POLR2B: variants seen among roughly 807,000 people sequenced by gnomAD.
The protein encoded by POLR2B is RNA polymerase II subunit B.
Under a neutral mutation model 144.6 loss-of-function variants are expected in POLR2B, and 57 were observed. The ratio of observed to expected loss-of-function variants is 0.39; its 90% CI spans 0.32 to 0.49. The LOEUF (loss-of-function observed/expected upper bound fraction) is 0.49. Ranked by LOEUF, POLR2B falls within the 20% of genes least tolerant of loss-of-function variation. The pLI is 0.83. For synonymous variants in POLR2B, 442 were observed against 469.8 expected, an observed-to-expected ratio of 0.94 and a Z score of 0.77; for missense variants, 595 against 1,467.4, an observed-to-expected ratio of 0.41 and a Z score of 9.71.
intron 2 of POLR2B, among the ~76,000 whole-genome samples, chr4:56,989,875 T>C (rs1429819242): frequency 2.0e-5 from 3 of 152,180 alleles, no homozygotes; most frequent in Non-Finnish European, 4.4e-5. Flanking sequence ...TCTGTATGTC[T>C]TTCCCCACCC....
chr4:57,003,882 T>C (rs1158689083), intron 7 of POLR2B, among the ~76,000 whole-genome samples: 2 of 151,444 alleles, frequency 1.3e-5, no homozygotes, highest in African/African-American at 2.4e-5. Context: ...GAAGAAATAG[T>C]TGGGTGTGGT....
chr4:57,010,247 A>G, intron 10 of POLR2B, 114 bp from the exon 11 acceptor site: 1 of 923,948 alleles, frequency 1.1e-6, no homozygotes, highest in Middle Eastern at 2.6e-4. Flanking sequence ...GAATAGAGAA[A>G]TGGGGAACAG....
chr4:56,998,397 A>C (rs955075776), intron 6 of POLR2B, among the ~76,000 whole-genome samples: 3 of 152,158 alleles, frequency 2.0e-5, no homozygotes. Flanking sequence ...GGGTTTCACC[A>C]TGTTAGCCAG....
rs1168500058 is a variant in POLR2B, at chr4:57,015,546, T to C, written c.1845T>C (p.Tyr615=). ...TTCGAGAGAGGGAGATTCGGATCTA[T>C]ACGGATGCAGGCCGTATTTGTAGAC... is the stretch of plus-strand genomic sequence containing the variant. ...RDIREREIRI[Y]TDAGRICRPL... is the part of the protein sequence containing the mutation. The change falls in exon 14 of 25, where the codon TAT becomes TAC. Residue 615 remains tyrosine (Y), a synonymous_variant. Coordinates refer to ENST00000314595, the MANE Select transcript of POLR2B (RefSeq NM_000938.3). 5.4e-6 allele frequency: 8 copies of C among 1,489,190 alleles called. No homozygotes were observed. Among genetic ancestry groups the C allele is most frequent in the African/African-American group, 1.4e-5 (1 of 72,122 alleles). The allele number at this position is 1,489,190 out of a possible 1,614,324, so 92.2% of individuals were successfully genotyped here. A position where few individuals can be genotyped will look rare whatever the true frequency, so the allele number is the denominator to read the frequency against.
rs767561136 is a variant in POLR2B, at chr4:56,986,433, T to C, written c.92+7T>C. On this transcript the variant is annotated splice_region_variant and intron_variant, in intron 2 of 24. Coordinates refer to ENST00000314595, the MANE Select transcript of POLR2B (RefSeq NM_000938.3). ...CATGCTGGATTGTAATCAGGTAACT[T>C]TGGACCAAACTGAATTAGCCTGAAA... is the stretch of plus-strand genomic sequence containing the variant. The C allele has an allele frequency of 2.5e-6, 4 of 1,597,582 alleles. No homozygotes were observed. Among genetic ancestry groups the C allele is most frequent in the Middle Eastern group, 1.7e-4 (1 of 6,024 alleles).
rs575493114 is a variant in POLR2B at position 57,024,644 on chromosome 4, C to G, written c.2965-242C>G. Among the ~76,000 whole-genome samples the G allele has an allele frequency of 4.6e-5, 7 of 152,042 alleles. 2 individuals are homozygous for G. Among genetic ancestry groups the G allele is most frequent in the Admixed American group, 3.9e-4 (6 of 15,264 alleles). On this transcript the variant is annotated intron_variant, in intron 21 of 24. Coordinates refer to ENST00000314595, the MANE Select transcript of POLR2B (RefSeq NM_000938.3). ...TTTGAATACTTATAATTGAGTTTTTCTTTTTTAAGCAAGTTTATTTGTTCT... is the reference window on the plus strand; with the variant it reads ...TTTGAATACTTATAATTGAGTTTTTGTTTTTTAAGCAAGTTTATTTGTTCT...
chr4:56,992,215 C>T (rs1366376322), intron 3 of POLR2B, among the ~76,000 whole-genome samples: 1 of 151,854 alleles, frequency 6.6e-6, no homozygotes, highest in African/African-American at 2.4e-5. Flanking sequence ...ATAATTTTAG[C>T]ACTTTGGGAG....
Position 57,017,935 on chromosome 4 carries a change from A to G in POLR2B, c.2323+207A>G, listed in dbSNP as rs987011980. Among the ~76,000 whole-genome samples, 3 of 152,228 alleles carry G rather than the reference A, an allele frequency of 2.0e-5. No individual in the cohort carries two copies. Among genetic ancestry groups the G allele is most frequent in the South Asian group, 4.1e-4 (2 of 4,836 alleles). On this transcript the variant is annotated intron_variant, in intron 16 of 24. Transcript: ENST00000314595. This position sits in a 1 kb window ranked among gnomAD's most constrained non-coding sequence, Gnocchi z 4.8. ...CAAAGTCCTTTGGAAGCACAGACTG[A>G]TGGAAGCAATTAATTCCTGTTGGAA...
intron 10 of POLR2B, chr4:57,009,785 A>G (rs1399138197): frequency 6.6e-6 from 1 of 152,200 alleles, no homozygotes; most frequent in Non-Finnish European, 1.5e-5. Flanking sequence ...CTGGGGGAAG[A>G]TGGAGATTTA....
chr4:57,015,242 C>T (rs1723329029), intron 13 of POLR2B, among the ~76,000 whole-genome samples: 1 of 152,142 alleles, frequency 6.6e-6, no homozygotes, highest in Non-Finnish European at 1.5e-5. Flanking sequence ...AAAATATTTC[C>T]TACGTTAACT....
intron 1 of POLR2B, among the ~76,000 whole-genome samples, chr4:56,980,010 G>C (rs1249243037): frequency 4.6e-5 from 7 of 151,584 alleles, no homozygotes; most frequent in Admixed American, 1.3e-4. Context: ...CAATTCCTTG[G>C]CCACCCCCTA....
chr4:57,001,684 T>C (rs1040246923), intron 7 of POLR2B, among the ~76,000 whole-genome samples: 6 of 152,220 alleles, frequency 3.9e-5, no homozygotes, highest in Non-Finnish European at 5.9e-5. Context: ...CTGTTAACTT[T>C]GATCGCTTCA....
At chr4:57,011,639 A>G (rs1723191290) in intron 13 of POLR2B, among the ~76,000 whole-genome samples, 2 of 152,162 alleles carry the variant, frequency 1.3e-5, no homozygotes, top group African/African-American at 4.8e-5. Context: ...CCTGGCCAAC[A>G]TGGTGAAACC....
chr4:57,020,446 A>C (rs1723505776), intron 16 of POLR2B, among the ~76,000 whole-genome samples: 1 of 152,056 alleles, frequency 6.6e-6, no homozygotes, highest in African/African-American at 2.4e-5. Context: ...AGGAGAGGGG[A>C]ATGGGGTAGT....
chr4:56,992,837 C>T (rs1025903903), intron 3 of POLR2B, among the ~76,000 whole-genome samples: 1 of 151,760 alleles, frequency 6.6e-6, no homozygotes, highest in African/African-American at 2.4e-5. Context: ...GCTGGGATTA[C>T]AGGGCTTCTC....
chr4:56,999,658 T>C lies in POLR2B; in HGVS notation c.777T>C (p.Thr259=). 6.2e-7 allele frequency: 1 copy of C among 1,612,944 alleles called. No homozygotes were observed. The highest frequency in any genetic ancestry group is 8.5e-7 in the Non-Finnish European group (1 of 1,179,046). Residue 259 remains threonine (T), a synonymous_variant, in exon 7 of 25, where the codon ACT becomes ACC. Transcript: ENST00000314595. ...KSAIGQRIVA[T]LPYIKQEVPI... is the part of the protein sequence containing the mutation. ...CTATTGGTCAGCGCATTGTGGCAAC[T>C]CTACCATATATCAAGCAAGAAGTTC...
intron 18 of POLR2B, among the ~76,000 whole-genome samples, chr4:57,022,916 A>G (rs901127088): frequency 6.6e-6 from 1 of 152,186 alleles, no homozygotes; most frequent in Non-Finnish European, 1.5e-5. Flanking sequence ...TTAAGATGAA[A>G]TCCACAATTT....
intron 3 of POLR2B, among the ~76,000 whole-genome samples, chr4:56,992,945 G>T (rs1374989081): frequency 2.0e-5 from 3 of 152,098 alleles, no homozygotes; most frequent in Middle Eastern, 3.2e-3. Flanking sequence ...GACTGTCAAA[G>T]AATATACATA....
chr4:57,013,784 T>A (rs969487059), intron 13 of POLR2B, among the ~76,000 whole-genome samples: 4 of 152,076 alleles, frequency 2.6e-5, no homozygotes, highest in Admixed American at 6.6e-5. Context: ...CATAAACTGA[T>A]AAAACTGTGT....
Sources: allele counts gnomAD v4.1 joint callset (sites outside exome capture counted in the v4.1 genomes callset), GRCh38; gene constraint gnomAD v4.1.1; non-coding constraint Gnocchi (gnomAD v3.1); transcripts MANE v1.5; gene names NCBI Gene and HGNC (gene_info 2026-07-23, HGNC 2026-07-21).